MYO1G: variants seen among roughly 807,000 people sequenced by gnomAD.
The protein encoded by MYO1G is unconventional myosin-Ig.
Under a neutral mutation model 115.3 loss-of-function variants are expected in MYO1G, and 65 were observed. The observed-to-expected ratio is 0.56, with a 90% confidence interval of 0.46 to 0.69. MYO1G has a LOEUF of 0.69. Ranked by LOEUF, MYO1G falls within the 30% of genes least tolerant of loss-of-function variation. The pLI is 0.00. For missense variants in MYO1G, 1,204 were observed against 1,393.5 expected (o/e 0.86, Z 2.16); for synonymous variants, 510 against 552.6 (o/e 0.92, Z 1.08).
At position 44,977,011 on chromosome 7, in the gene MYO1G, G is replaced by A. The variant is rs200058018; in HGVS notation, c.156C>T (p.Tyr52=). Residue 52 remains tyrosine, a synonymous_variant, in exon 2 of 22, where the codon TAC becomes TAT. Transcript: ENST00000258787. ...CAGGCCCATACAGGGGCAGCTCCTG[G>A]TAGGGGTTCACGGACACCAGCACCT... ...IGEVLVSVNP[Y]QELPLYGPEA... is the part of the protein sequence containing the mutation. 7.7e-5 allele frequency: 125 copies of A among 1,613,650 alleles called. No individual in the cohort carries two copies. In the East Asian group the frequency reaches 2.7e-3, roughly 34 times the overall value.
chr7:44,966,753 G>T lies in MYO1G; in HGVS notation c.1868C>A (p.Ala623Glu). 1 of 1,613,554 alleles carries T rather than the reference G, an allele frequency of 6.2e-7. No individual in the cohort carries two copies. The highest frequency in any genetic ancestry group is 8.5e-7 in the Non-Finnish European group (1 of 1,180,002). The change falls in exon 15 of 22, where the codon GCA becomes GAA. Residue 623 changes from alanine to glutamate, a missense_variant. Transcript: ENST00000258787. This position sits in a 1 kb window ranked among gnomAD's most constrained non-coding sequence, Gnocchi z 5.0. ...CACATTCTCCAGCAGCCCCAGGTAT[G>T]CGACCTGGTGGCGACAGTGGTTCTC... ...LDENHCRHQV[A>E]YLGLLENVRV...
chr7:44,965,101 C>A lies in MYO1G; in HGVS notation c.2382-12G>T. On this transcript the variant is annotated splice_polypyrimidine_tract_variant and intron_variant, in intron 17 of 21. Coordinates refer to ENST00000258787, the MANE Select transcript of MYO1G (RefSeq NM_033054.3). ...GCCGGGCCCGCCACCTGGGAGAGGG[C>A]ATGTAGTCAGACAGATGCTGGCCAT... The A allele has an allele frequency of 6.3e-7, 1 of 1,598,206 alleles. No individual in the cohort carries two copies. Among genetic ancestry groups the A allele is most frequent in the Non-Finnish European group, 8.6e-7 (1 of 1,168,392 alleles).
chr7:44,977,427 C>T (rs184839604), intron 1 of MYO1G, among the ~76,000 whole-genome samples: 5 of 151,904 alleles, frequency 3.3e-5, no homozygotes, highest in East Asian at 1.9e-4. Context: ...GGGTGAACCC[C>T]GCAGGGCAGA....
intron 5 of MYO1G, chr7:44,974,957 C>T: frequency 4.8e-6 from 3 of 619,112 alleles, no homozygotes; most frequent in South Asian, 3.6e-5. Flanking sequence ...AGGGGACATC[C>T]TGCTTTTGTT....
intron 3 of MYO1G, 94 bp from the exon 4 acceptor site, chr7:44,975,743 A>G: frequency 4.4e-6 from 6 of 1,352,078 alleles, no homozygotes; most frequent in Non-Finnish European, 5.9e-6. Context: ...AAATCACAGC[A>G]TCTCAGGATG....
Position 44,971,039 on chromosome 7 carries a change from C to A in MYO1G, c.867G>T (p.Glu289Asp). Residue 289 changes from glutamate (E) to aspartate (D), a missense_variant, in exon 8 of 22, where the codon GAG becomes GAT. Transcript: ENST00000258787. Reference sequence around the variant, plus strand: ...CCTTCTGCAGCCCACCCTCCTCCGTCTCCACAAACTCGATGTTTCCCTGGT... The same window carrying A: ...CCTTCTGCAGCCCACCCTCCTCCGTATCCACAAACTCGATGTTTCCCTGGT... ...ILHLGNIEFVETEEGGLQKEG... is the reference protein window; with the variant it reads ...ILHLGNIEFVDTEEGGLQKEG... The A allele has an allele frequency of 6.2e-7, 1 of 1,611,544 alleles. No individual in the cohort carries two copies. Among genetic ancestry groups the A allele is most frequent in the Admixed American group, 1.7e-5 (1 of 59,972 alleles).
intron 5 of MYO1G, 159 bp downstream of exon 5, chr7:44,975,015 G>A: frequency 1.3e-6 from 1 of 750,392 alleles, no homozygotes; most frequent in South Asian, 1.5e-5. Flanking sequence ...GTACTGGTTG[G>A]GGTGAGTGTG....
rs984425780 is a variant in MYO1G, at chr7:44,963,582, G to T, written c.2746-458C>A. 4 of 205,562 alleles carry T rather than the reference G, an allele frequency of 1.9e-5. No homozygotes were observed. Among genetic ancestry groups the T allele is most frequent in the Non-Finnish European group, 2.9e-5 (3 of 102,850 alleles). The allele number at this position is 205,562 out of a possible 1,614,324, so 12.7% of individuals were successfully genotyped here. A position where few individuals can be genotyped will look rare whatever the true frequency, so the allele number is the denominator to read the frequency against. ...CTGTGGGAGACCCAGAGGTAGCCTG[G>T]CCTTGATCCCTACCCCCGTCTTGTG... On this transcript the variant is annotated intron_variant, in intron 20 of 21. Transcript: ENST00000258787. This position sits in a 1 kb window ranked among gnomAD's most constrained non-coding sequence, Gnocchi z 4.1.
chr7:44,964,281 G>A lies in MYO1G; in HGVS notation c.2632-119C>T. 1 of 1,281,922 alleles carries A rather than the reference G, an allele frequency of 7.8e-7. No homozygotes were observed. 79.4% of individuals were successfully genotyped at this position (1,281,922 alleles called of 1,614,324 possible). ...GGCGACAGTTTTGGGAGTGTCAGGA[G>A]CAGCTGGGCCTGGGCTGGGGTTGCC... On this transcript the variant is annotated intron_variant, in intron 19 of 21. Coordinates refer to ENST00000258787, the MANE Select transcript of MYO1G (RefSeq NM_033054.3). The surrounding 1 kb of genome is among the most constrained non-coding windows in gnomAD (Gnocchi z 5.1).
rs1486210938 is a variant in MYO1G, at chr7:44,964,141, G to A, written c.2653C>T (p.Arg885Trp). The A allele has an allele frequency of 5.6e-6, 9 of 1,597,910 alleles. No individual in the cohort carries two copies. Among genetic ancestry groups the A allele is most frequent in the East Asian group, 2.3e-5 (1 of 44,282 alleles). The stretch of plus-strand genomic sequence containing the variant: ...TCTGTGAGCAGGAGGGCCCGGTTCC[G>A]GATCTTGTGGAAGCGGTTCACCTGT... Reference protein sequence around the residue: ...VRKVNRFHKIRNRALLLTDQH... With the variant: ...VRKVNRFHKIWNRALLLTDQH... Residue 885 changes from arginine to tryptophan, a missense_variant, in exon 20 of 22, where the codon CGG (arginine) becomes TGG (tryptophan). Transcript: ENST00000258787. This position sits in a 1 kb window ranked among gnomAD's most constrained non-coding sequence, Gnocchi z 5.1.
rs770327901 is a variant in MYO1G at position 44,967,776 on chromosome 7, G to A, written c.1650-39C>T. 3 of 1,612,098 alleles carry A rather than the reference G, an allele frequency of 1.9e-6. No individual in the cohort carries two copies. The African/African-American group carries it at 4.0e-5, about 22-fold the overall frequency. Reference sequence around the variant, plus strand: ...CCGAATTCCCAGCCATCCTCTGGGAGAGCAGCCCCACCCACCCACGTCCTG... The same window carrying A: ...CCGAATTCCCAGCCATCCTCTGGGAAAGCAGCCCCACCCACCCACGTCCTG... On this transcript the variant is annotated intron_variant, in intron 13 of 21. Coordinates refer to ENST00000258787, the MANE Select transcript of MYO1G (RefSeq NM_033054.3).
At position 44,962,829 on chromosome 7, in the gene MYO1G, G is replaced by T; in HGVS notation, c.2967C>A (p.Arg989=). Residue 989 remains arginine, a synonymous_variant, in exon 22 of 22, where the codon CGC becomes CGA. Transcript: ENST00000258787. The surrounding 1 kb of genome is among the most constrained non-coding windows in gnomAD (Gnocchi z 5.3). ...CIPLSHRGVR[R]LISVEPRPEQ... ...CCGGCCTGGGCTCCACGGAGATGAG[G>T]CGCCGGACCCCGCGATGGCTTAGTG... The T allele has an allele frequency of 6.6e-7, 1 of 1,519,858 alleles. No individual in the cohort carries two copies. The highest frequency in any genetic ancestry group is 8.8e-7 in the Non-Finnish European group (1 of 1,138,742). The allele number at this position is 1,519,858 out of a possible 1,614,324, so 94.1% of individuals were successfully genotyped here. A position where few individuals can be genotyped will look rare whatever the true frequency, so the allele number is the denominator to read the frequency against.
rs1258570969 is a variant in MYO1G, at chr7:44,969,536, G to A, written c.1504-53C>T. On this transcript the variant is annotated intron_variant, in intron 11 of 21. Coordinates refer to ENST00000258787, the MANE Select transcript of MYO1G (RefSeq NM_033054.3). This position sits in a 1 kb window ranked among gnomAD's most constrained non-coding sequence, Gnocchi z 5.0. ...CAAAAGGTATGTGGAGGGTCTGTAT[G>A]AAGGGATAGCCCTGCCTCCCCACCT... 7 of 1,599,792 alleles carry A rather than the reference G, an allele frequency of 4.4e-6. No individual in the cohort carries two copies. Among genetic ancestry groups the A allele is most frequent in the Non-Finnish European group, 6.0e-6 (7 of 1,167,750 alleles).
chr7:44,967,821 C>T (rs922060715), intron 13 of MYO1G, 63 bp downstream of exon 13: 11 of 1,612,232 alleles, frequency 6.8e-6, no homozygotes, highest in Non-Finnish European at 9.3e-6. Context: ...AATGCCTGAC[C>T]CCAGAGTCTC....
At chr7:44,976,776 C>T in intron 2 of MYO1G, 87 bp downstream of exon 2, 1 of 1,575,270 alleles carries the variant, frequency 6.3e-7, no homozygotes, top group African/African-American at 1.4e-5. Context: ...CATCAGGACA[C>T]AGGGCACAGG....
rs117969779 is a variant in MYO1G at position 44,963,615 on chromosome 7, G to C, written c.2745+434C>G. ...CCCTACCCCCGTCTTGTGGGAAAGA[G>C]AATTTATGGGAACAGCAGCTGCTAA... On this transcript the variant is annotated intron_variant, in intron 20 of 21. Transcript: ENST00000258787. This position sits in a 1 kb window ranked among gnomAD's most constrained non-coding sequence, Gnocchi z 4.1. 3,978 of 203,400 alleles carry C rather than the reference G, an allele frequency of 0.02. 76 individuals are homozygous for C. The highest frequency in any genetic ancestry group is 0.025 in the Non-Finnish European group (2,487 of 101,112). The allele number at this position is 203,400 out of a possible 1,614,324, so 12.6% of individuals were successfully genotyped here.
Position 44,963,402 on chromosome 7 carries a change from G to T in MYO1G, c.2746-278C>A, listed in dbSNP as rs1794784485. The T allele has an allele frequency of 6.6e-6, 3 of 451,304 alleles. No individual in the cohort carries two copies. The highest frequency in any genetic ancestry group is 7.8e-6 in the Non-Finnish European group (2 of 257,436). 28.0% of individuals were successfully genotyped at this position (451,304 alleles called of 1,614,324 possible). On this transcript the variant is annotated intron_variant, in intron 20 of 21. Coordinates refer to ENST00000258787, the MANE Select transcript of MYO1G (RefSeq NM_033054.3). This position sits in a 1 kb window ranked among gnomAD's most constrained non-coding sequence, Gnocchi z 4.1. Reference sequence around the variant, plus strand: ...GGGCCGCCACTGCTCACCTGTGGATGCTAAGCCCTTGCATGTGCTACTGCC... The same window carrying T: ...GGGCCGCCACTGCTCACCTGTGGATTCTAAGCCCTTGCATGTGCTACTGCC...
At chr7:44,978,456 C>A (rs1795121041) in intron 1 of MYO1G, among the ~76,000 whole-genome samples, 1 of 152,210 alleles carries the variant, frequency 6.6e-6, no homozygotes, top group Non-Finnish European at 1.5e-5. Context: ...ATCGAGGGAG[C>A]ATCAACAACT....
Position 44,966,335 on chromosome 7 carries a change from C to A in MYO1G, c.1950-55G>T. The A allele has an allele frequency of 7.0e-7, 1 of 1,425,506 alleles. No homozygotes were observed. Among genetic ancestry groups the A allele is most frequent in the South Asian group, 1.2e-5 (1 of 80,436 alleles). The allele number at this position is 1,425,506 out of a possible 1,614,324, so 88.3% of individuals were successfully genotyped here. On this transcript the variant is annotated intron_variant, in intron 15 of 21. Coordinates refer to ENST00000258787, the MANE Select transcript of MYO1G (RefSeq NM_033054.3). This position sits in a 1 kb window ranked among gnomAD's most constrained non-coding sequence, Gnocchi z 5.0. ...CAGGCCTGGGGGAGAGATGATGGAG[C>A]CCACCCTGCCCACCCCACACCTGGG...
Sources: allele counts gnomAD v4.1 joint callset (sites outside exome capture counted in the v4.1 genomes callset), GRCh38; gene constraint gnomAD v4.1.1; non-coding constraint Gnocchi (gnomAD v3.1); transcripts MANE v1.5; gene names NCBI Gene and HGNC (gene_info 2026-07-23, HGNC 2026-07-21).